The following DNAJB6 variants were observed in gnomAD, a reference collection of about 807,000 sequenced individuals.
The protein encoded by DNAJB6 is dnaJ homolog subfamily B member 6.
A neutral mutation model predicts 42.7 loss-of-function variants in DNAJB6; 16 were observed. The ratio of observed to expected loss-of-function variants is 0.37; its 90% confidence interval spans 0.25 to 0.57. DNAJB6 has a LOEUF of 0.57. Ranked by LOEUF, DNAJB6 falls within the 20% of genes least tolerant of loss-of-function variation. The probability of loss-of-function intolerance (pLI) is 0.74; values close to 1 mark genes in which losing one functional copy is unlikely to be tolerated. For missense variants in DNAJB6, 347 were observed against 416.8 expected, an observed-to-expected ratio of 0.83 and a Z score of 1.46; for synonymous variants, 170 against 163.5, an observed-to-expected ratio of 1.04 and a Z score of -0.30.
Position 157,370,049 on chromosome 7 carries a change from T to C in DNAJB6, c.346+2566T>C, listed in dbSNP as rs372254312. On this transcript the variant is annotated intron_variant, in intron 5 of 9. Transcript: ENST00000262177. Reference sequence around the variant, plus strand: ...TTTCTTAACATTATTATTAAACAGGTCTTTCATAACGTTATTATTAAACGG... The same window carrying C: ...TTTCTTAACATTATTATTAAACAGGCCTTTCATAACGTTATTATTAAACGG... Among the ~76,000 whole-genome samples the C allele has an allele frequency of 4.6e-3, 523 of 114,576 alleles. 2 individuals are homozygous for C. The highest frequency in any genetic ancestry group is 0.016 in the African/African-American group (424 of 25,738). 75.2% of individuals were successfully genotyped at this position (114,576 alleles called of 152,430 possible).
In DNAJB6 at chr7:157,360,124, C is replaced by T. The variant is rs569630710; in HGVS notation, c.65+1487C>T. Among the ~76,000 whole-genome samples the T allele has an allele frequency of 7.2e-5, 11 of 152,314 alleles. 1 individual carries two copies. Among genetic ancestry groups the T allele is most frequent in the South Asian group, 4.1e-4 (2 of 4,824 alleles). ...TCTGTTTTTACGCTGCTGATAAAGA[C>T]GTACCTGAGACTGGGAAGAAAAGGA... On this transcript the variant is annotated intron_variant, in intron 2 of 9. Coordinates refer to ENST00000262177, the MANE Select transcript of DNAJB6 (RefSeq NM_058246.4).
chr7:157,359,569 A>G lies in DNAJB6; in HGVS notation c.65+932A>G, dbSNP rs571306126. Among the ~76,000 whole-genome samples the G allele has an allele frequency of 5.3e-4, 81 of 152,028 alleles. 2 individuals are homozygous for G. The South Asian group carries it at 9.8e-3, about 18-fold the overall frequency. Reference sequence around the variant, plus strand: ...GCCAGGCAAGTGGCTCACACCTCTAATCCTAGCACTTCGAGAGGCCTAGGT... The same window carrying G: ...GCCAGGCAAGTGGCTCACACCTCTAGTCCTAGCACTTCGAGAGGCCTAGGT... On this transcript the variant is annotated intron_variant, in intron 2 of 9. Coordinates refer to ENST00000262177, the MANE Select transcript of DNAJB6 (RefSeq NM_058246.4).
intron 8 of DNAJB6, among the ~76,000 whole-genome samples, chr7:157,390,622 G>T (rs1027903515): frequency 6.6e-6 from 1 of 152,078 alleles, no homozygotes; most frequent in Non-Finnish European, 1.5e-5. Context: ...CCTCCTTCCT[G>T]CCCGTCTCAC....
intron 8 of DNAJB6, among the ~76,000 whole-genome samples, chr7:157,403,728 T>C (rs778370044): frequency 2.0e-5 from 3 of 152,162 alleles, no homozygotes; most frequent in Non-Finnish European, 2.9e-5. Flanking sequence ...GATTTTGGGG[T>C]CCTGAGATTC....
At chr7:157,358,992 G>A (rs1301886412) in intron 2 of DNAJB6, among the ~76,000 whole-genome samples, 2 of 152,180 alleles carry the variant, frequency 1.3e-5, no homozygotes, top group Non-Finnish European at 2.9e-5. Context: ...AAATTTTCTT[G>A]TTGTGATTGT....
intron 1 of DNAJB6, among the ~76,000 whole-genome samples, chr7:157,345,636 T>C (rs1798645525): frequency 6.6e-6 from 1 of 152,200 alleles, no homozygotes; most frequent in African/African-American, 2.4e-5. Context: ...TAATCCCACT[T>C]GTCTGTTTCG....
intron 2 of DNAJB6, among the ~76,000 whole-genome samples, chr7:157,360,583 T>G (rs1461536185): frequency 6.6e-6 from 1 of 152,152 alleles, no homozygotes; most frequent in Non-Finnish European, 1.5e-5. Context: ...GACGTTGAAG[T>G]AGGAATTTAG....
chr7:157,358,411 T>C (rs1799415494), intron 1 of DNAJB6, 136 bp from the exon 2 acceptor site: 1 of 613,804 alleles, frequency 1.6e-6, no homozygotes, highest in Non-Finnish European at 2.9e-6. Flanking sequence ...AGTGGTTAGC[T>C]CTAGTGGAAG....
intron 8 of DNAJB6, among the ~76,000 whole-genome samples, chr7:157,402,020 G>A (rs917266583): frequency 1.3e-5 from 2 of 152,254 alleles, no homozygotes; most frequent in African/African-American, 4.8e-5. Context: ...TCGCTGTGAC[G>A]GAGGGAGCGT....
intron 1 of DNAJB6, among the ~76,000 whole-genome samples, chr7:157,353,842 T>TG (rs1037389316): frequency 4.0e-5 from 6 of 151,854 alleles, no homozygotes; most frequent in African/African-American, 1.2e-4. Flanking sequence ...AAATTTTTTT[T>TG]TTGTTGCACA....
rs570049523 is a variant in DNAJB6, at chr7:157,338,755, CG to C, written c.-27+1614del. Among the ~76,000 whole-genome samples, 10 of 152,268 alleles carry C rather than the reference CG, an allele frequency of 6.6e-5. No homozygotes were observed. The South Asian group carries it at 2.1e-3, about 32-fold the overall frequency. On this transcript the variant is annotated intron_variant, in intron 1 of 9. Coordinates refer to ENST00000262177, the MANE Select transcript of DNAJB6 (RefSeq NM_058246.4). ...TTTTTATGCACGCTTCAGCGAGCTGCGGGTTTTTGTGGATTACGCAGGCTGT... is the reference window on the plus strand; with the variant it reads ...TTTTTATGCACGCTTCAGCGAGCTGCGGTTTTTGTGGATTACGCAGGCTGT...
chr7:157,406,477 C>T (rs905864996), intron 8 of DNAJB6, among the ~76,000 whole-genome samples: 1 of 152,214 alleles, frequency 6.6e-6, no homozygotes, highest in Admixed American at 6.5e-5. Flanking sequence ...CTGCTGTCCA[C>T]CTGCCACGTG....
chr7:157,385,548 G>C lies in DNAJB6; in HGVS notation c.628G>C (p.Glu210Gln). 2 of 1,612,906 alleles carry C rather than the reference G, an allele frequency of 1.2e-6. No individual in the cohort carries two copies. The highest frequency in any genetic ancestry group is 8.5e-7 in the Non-Finnish European group (1 of 1,179,670). Reference protein sequence around the residue: ...GRKITTKRIVENGQERVEVEE... With the variant: ...GRKITTKRIVQNGQERVEVEE... ...TGAATTTTTTTCCTACAGAATTGTC[G>C]AGAACGGTCAAGAAAGAGTAGAAGT... is the stretch of plus-strand genomic sequence containing the variant. Residue 210 changes from glutamate to glutamine, a missense_variant, in exon 8 of 10, where the codon GAG becomes CAG. Transcript: ENST00000262177.
chr7:157,341,047 C>T (rs1035450218), intron 1 of DNAJB6, among the ~76,000 whole-genome samples: 2 of 151,884 alleles, frequency 1.3e-5, no homozygotes, highest in African/African-American at 4.8e-5. Flanking sequence ...GTCTCGAACT[C>T]CTGGCCTCAA....
At chr7:157,388,802 G>A (rs1801205795) in intron 8 of DNAJB6, among the ~76,000 whole-genome samples, 1 of 151,992 alleles carries the variant, frequency 6.6e-6, no homozygotes, top group Non-Finnish European at 1.5e-5. Context: ...CTGTATTTTT[G>A]TCATCTCCTG....
intron 1 of DNAJB6, among the ~76,000 whole-genome samples, chr7:157,351,953 C>T (rs888133518): frequency 7.2e-5 from 11 of 152,148 alleles, no homozygotes; most frequent in African/African-American, 2.7e-4. Flanking sequence ...CGAGATTGTG[C>T]TGCTGCATTC....
At chr7:157,389,326 T>C (rs936773024) in intron 8 of DNAJB6, among the ~76,000 whole-genome samples, 38 of 152,256 alleles carry the variant, frequency 2.5e-4, no homozygotes, top group African/African-American at 9.2e-4. Flanking sequence ...TAATAAATAA[T>C]TGGCATATTA....
At chr7:157,395,489 G>C (rs1356002541) in intron 8 of DNAJB6, among the ~76,000 whole-genome samples, 1 of 152,212 alleles carries the variant, frequency 6.6e-6, no homozygotes, top group Non-Finnish European at 1.5e-5. Flanking sequence ...GAGGCAGTTG[G>C]AGGTTGAATC....
chr7:157,390,663 C>G (rs923066968), intron 8 of DNAJB6, among the ~76,000 whole-genome samples: 1 of 152,164 alleles, frequency 6.6e-6, no homozygotes, highest in Non-Finnish European at 1.5e-5. Context: ...CCCGTGTGGT[C>G]AGCGCTGTGC....
Sources: gnomAD v4.1 joint callset for allele counts (sites outside exome capture counted in the v4.1 genomes callset) on GRCh38, gnomAD v4.1.1 for gene constraint, MANE v1.5 for transcripts, NCBI Gene and HGNC (gene_info 2026-07-23, HGNC 2026-07-21) for gene names.